The following L3HYPDH variants were observed in gnomAD, a reference collection of about 807,000 sequenced individuals.
L3HYPDH encodes the protein trans-3-hydroxy-L-proline dehydratase.
Under a neutral mutation model 26.5 loss-of-function variants are expected in L3HYPDH, and 32 were observed. The observed-to-expected ratio is 1.21, with a 90% CI of 0.91 to 1.62. The LOEUF (loss-of-function observed/expected upper bound fraction) is 1.62. Ranked by LOEUF, L3HYPDH falls within the 40% of genes most tolerant of loss-of-function variation. The pLI, the probability that L3HYPDH is intolerant of heterozygous loss-of-function variation, is 0.00. For synonymous variants in L3HYPDH, 215 were observed against 196.6 expected, an observed-to-expected ratio of 1.09 and a Z score of -0.78; for missense variants, 554 against 476.4, an observed-to-expected ratio of 1.16 and a Z score of -1.52.
downstream of L3HYPDH, among the ~76,000 whole-genome samples, chr14:59,472,153 G>A (rs910468187): frequency 6.6e-6 from 1 of 152,132 alleles, no homozygotes; most frequent in African/African-American, 2.4e-5. Context: ...TTTTTAACAG[G>A]CTCATAGGAA....
the L3HYPDH span, chr14:59,499,026 T>A: frequency 2.1e-6 from 1 of 485,512 alleles, no homozygotes; most frequent in Non-Finnish European, 3.3e-6. Context: ...TTTTTTTTTT[T>A]TTTTTTTTTT....
downstream of L3HYPDH, among the ~76,000 whole-genome samples, chr14:59,470,398 A>G (rs920347027): frequency 4.6e-5 from 7 of 152,224 alleles, no homozygotes; most frequent in Non-Finnish European, 1.0e-4. Context: ...GAGAGGTAGT[A>G]TGCTATCTGT....
At chr14:59,471,388 C>A (rs1252473507), downstream of L3HYPDH, among the ~76,000 whole-genome samples, 1 of 152,058 alleles carries the variant, frequency 6.6e-6, no homozygotes, top group Non-Finnish European at 1.5e-5. Context: ...CTCTAAATGA[C>A]CTTAGGAGAG....
At chr14:59,475,331 T>C (rs531470388) in intron 4 of L3HYPDH, 1 of 152,380 alleles carries the variant, frequency 6.6e-6, no homozygotes, top group African/African-American at 2.4e-5. Flanking sequence ...CAATATTTAC[T>C]GTATTAGGAA....
chr14:59,472,601 TA>T (rs1889346702), downstream of L3HYPDH: 1 of 161,834 alleles, frequency 6.2e-6, no homozygotes, highest in Non-Finnish European at 1.3e-5. Context: ...AATGAGCTTG[TA>T]AAGTTCAGTT....
intron 1 of L3HYPDH, among the ~76,000 whole-genome samples, chr14:59,480,072 C>A (rs1889906773): frequency 6.6e-6 from 1 of 152,162 alleles, no homozygotes; most frequent in Non-Finnish European, 1.5e-5. Flanking sequence ...TCAAATTTTC[C>A]TCTTCCCTAA....
intron 1 of L3HYPDH, among the ~76,000 whole-genome samples, chr14:59,465,628 G>C (rs1017362693): frequency 2.0e-5 from 3 of 152,186 alleles, no homozygotes; most frequent in Non-Finnish European, 4.4e-5. Flanking sequence ...GCTCTCTTTT[G>C]TAGGGTACAA....
At chr14:59,487,263 C>A (rs1253110), upstream of L3HYPDH, 1 of 154,074 alleles carries the variant, frequency 6.5e-6, no homozygotes, top group African/African-American at 2.4e-5. Context: ...AGTCATTGTT[C>A]ATGTTGGCAT....
chr14:59,501,402 C>T, the L3HYPDH span: 18 of 594,818 alleles, frequency 3.0e-5, no homozygotes, highest in Non-Finnish European at 4.6e-5. Flanking sequence ...CACTTGGTAG[C>T]TTTTGGCTTG....
intron 2 of L3HYPDH, 101 bp from the exon 3 acceptor site, chr14:59,476,315 AT>A (rs1248410197): frequency 5.7e-6 from 5 of 884,382 alleles, no homozygotes; most frequent in Non-Finnish European, 8.4e-6. Context: ...TTTAATCCTT[AT>A]CATTTTTAAA....
chr14:59,466,170 G>T (rs1889170828), intron 1 of L3HYPDH, among the ~76,000 whole-genome samples: 1 of 152,212 alleles, frequency 6.6e-6, no homozygotes, highest in African/African-American at 2.4e-5. Context: ...TAAATGGGGG[G>T]AGAGGGATTG....
intron 4 of L3HYPDH, chr14:59,474,403 A>G (rs1239359424): frequency 7.7e-6 from 5 of 645,168 alleles, no homozygotes; most frequent in Non-Finnish European, 1.4e-5. Context: ...GGAGTGCCTT[A>G]TATGGAAGTT....
the L3HYPDH span, chr14:59,498,826 T>C: frequency 1.2e-6 from 2 of 1,612,408 alleles, no homozygotes; most frequent in East Asian, 2.2e-5. Context: ...TAGGGAAATC[T>C]GATCGATTTA....
chr14:59,477,254 A>G (rs1471504462), intron 2 of L3HYPDH, among the ~76,000 whole-genome samples: 1 of 152,242 alleles, frequency 6.6e-6, no homozygotes, highest in African/African-American at 2.4e-5. Flanking sequence ...ATCTAGCAGA[A>G]TGTCTAACAT....
chr14:59,496,602 A>T, the L3HYPDH span, among the ~76,000 whole-genome samples: 1 of 152,186 alleles, frequency 6.6e-6, no homozygotes, highest in South Asian at 2.1e-4. Flanking sequence ...ACCAACCCTC[A>T]TCTGCACCTG....
chr14:59,504,298 G>T, the L3HYPDH span: 1 of 499,532 alleles, frequency 2.0e-6, no homozygotes, highest in Non-Finnish European at 3.5e-6. Flanking sequence ...TGCTACACTG[G>T]AAGGCCGCTA....
At chr14:59,483,504 C>G (rs957949205) in intron 1 of L3HYPDH, 2 of 1,311,712 alleles carry the variant, frequency 1.5e-6, no homozygotes, top group Non-Finnish European at 1.9e-6. Context: ...CTTTATCCAC[C>G]GGTGAAATCT....
chr14:59,501,415 A>G, the L3HYPDH span: 1 of 580,570 alleles, frequency 1.7e-6, no homozygotes, highest in Admixed American at 3.4e-5. Context: ...TTGGCTTGTT[A>G]ACTTTATGAA....
chr14:59,487,634 AT>A, upstream of L3HYPDH: 6 of 1,518,800 alleles, frequency 4.0e-6, no homozygotes, highest in Non-Finnish European at 5.5e-6. Context: ...ATGTTGTAAA[AT>A]AATATCTGTA....
Sources: allele counts gnomAD v4.1 joint callset (sites outside exome capture counted in the v4.1 genomes callset), GRCh38; gene constraint gnomAD v4.1.1; transcripts MANE v1.5; gene names NCBI Gene and HGNC (gene_info 2026-07-23, HGNC 2026-07-21).